Variants in RAB27B observed in about 807,000 individuals in gnomAD.
RAB27B encodes the protein ras-related protein Rab-27B.
In RAB27B, 15 loss-of-function variants were observed where a neutral mutation model predicts 24.6. That is an observed-to-expected ratio of 0.61 (90% CI 0.41 to 0.94). RAB27B has a LOEUF of 0.94. Among genes scored for constraint, RAB27B ranks in the 40% least tolerant of loss-of-function variants. The pLI is 0.00. For synonymous variants in RAB27B, 105 were observed against 92.5 expected (o/e 1.14, Z -0.78); for missense variants, 261 against 266.8 (o/e 0.98, Z 0.15).
intron 1 of RAB27B, among the ~76,000 whole-genome samples, chr18:54,833,548 A>G (rs1910777070): frequency 1.3e-5 from 2 of 152,184 alleles, no homozygotes; most frequent in African/African-American, 4.8e-5. Flanking sequence ...TTCTTTCTAC[A>G]TGAAAGAAAA....
At chr18:54,850,524 G>T (rs1183713016) in intron 1 of RAB27B, among the ~76,000 whole-genome samples, 1 of 150,644 alleles carries the variant, frequency 6.6e-6, no homozygotes, top group Non-Finnish European at 1.5e-5. Context: ...ATGCCAGCAT[G>T]CCCAGCTATG....
At chr18:54,747,541 T>A (rs899858084) in intron 2 of RAB27B, among the ~76,000 whole-genome samples, 9 of 152,180 alleles carry the variant, frequency 5.9e-5, no homozygotes, top group African/African-American at 2.2e-4. Flanking sequence ...AGTGGATAAT[T>A]CAGTCTGAGG....
At chr18:54,876,560 G>A (rs911788512) in intron 1 of RAB27B, among the ~76,000 whole-genome samples, 4 of 151,614 alleles carry the variant, frequency 2.6e-5, no homozygotes, top group African/African-American at 9.7e-5. Flanking sequence ...AAGTTGTACC[G>A]AGCAGTAAAT....
Position 54,829,070 on chromosome 18 carries a change from G to C in RAB27B, c.-20+370G>C, listed in dbSNP as rs373225858. 9.8e-5 allele frequency among the ~76,000 whole-genome samples: 15 copies of C among 152,328 alleles called. No homozygotes were observed. The East Asian group carries it at 2.3e-3, about 23-fold the overall frequency. On this transcript the variant is annotated intron_variant, in intron 1 of 5. Transcript: ENST00000262094. ...AATAAGAAAAAGCATGGATGATGAT[G>C]TGCTCAGAGTTTCATTCCAGGAGGA...
intron 1 of RAB27B, among the ~76,000 whole-genome samples, chr18:54,844,940 T>C (rs1384683722): frequency 6.6e-6 from 1 of 152,124 alleles, no homozygotes. Flanking sequence ...AATAAAGTTT[T>C]TCATCATCAA....
At position 54,756,405 on chromosome 18, in the gene RAB27B, T is replaced by A. The variant is rs145384775; in HGVS notation, c.-20+38264T>A. On this transcript the variant is annotated intron_variant, in intron 2 of 4. Coordinates refer to the RAB27B transcript ENST00000586570. The stretch of plus-strand genomic sequence containing the variant: ...TTATTTAAAGAGCTCAACATTGATA[T>A]CCTGACTATAGGTTCGATTCTTCCT... Among the ~76,000 whole-genome samples the A allele has an allele frequency of 2.7e-3, 406 of 152,294 alleles. 2 individuals are homozygous for A. Among genetic ancestry groups the A allele is most frequent in the African/African-American group, 9.2e-3 (382 of 41,566 alleles).
chr18:54,801,569 A>G (rs57437425), intron 2 of RAB27B, among the ~76,000 whole-genome samples: 1 of 152,092 alleles, frequency 6.6e-6, no homozygotes, highest in Admixed American at 6.6e-5. Flanking sequence ...AGCAGGGTTC[A>G]TCAGGTTCAG....
chr18:54,730,289 T>C (rs2144989851), intron 2 of RAB27B, among the ~76,000 whole-genome samples: 1 of 152,266 alleles, frequency 6.6e-6, no homozygotes, highest in Admixed American at 6.5e-5. Context: ...TCAAGTGTAT[T>C]TGGAATGAAA....
At chr18:54,742,087 T>C (rs1355952818) in intron 2 of RAB27B, among the ~76,000 whole-genome samples, 2 of 152,230 alleles carry the variant, frequency 1.3e-5, no homozygotes, top group East Asian at 1.9e-4. Flanking sequence ...TGTTTTCATA[T>C]GCAAAGCTTG....
intron 2 of RAB27B, among the ~76,000 whole-genome samples, chr18:54,751,163 T>C (rs947601415): frequency 2.6e-5 from 4 of 152,076 alleles, no homozygotes; most frequent in African/African-American, 9.7e-5. Context: ...AAGACAATAC[T>C]AGGAGCTTGA....
At chr18:54,780,338 C>T (rs1352500024) in intron 2 of RAB27B, among the ~76,000 whole-genome samples, 1 of 120,594 alleles carries the variant, frequency 8.3e-6, no homozygotes, top group Non-Finnish European at 1.7e-5. Flanking sequence ...CTCACCGTGT[C>T]TCCCCTCTCC....
intron 1 of RAB27B, among the ~76,000 whole-genome samples, chr18:54,861,077 A>G (rs561835625): frequency 1.3e-5 from 2 of 152,286 alleles, no homozygotes; most frequent in South Asian, 4.1e-4. Context: ...ATGCTATCTA[A>G]TTCAACTTCC....
At chr18:54,806,753 TAAC>T (rs1411976181) in intron 2 of RAB27B, among the ~76,000 whole-genome samples, 1 of 151,742 alleles carries the variant, frequency 6.6e-6, no homozygotes, top group Non-Finnish European at 1.5e-5. Flanking sequence ...TTTAAAATGT[TAAC>T]AACTAGCAAG....
At chr18:54,783,857 C>G (rs1241104282) in intron 2 of RAB27B, among the ~76,000 whole-genome samples, 1 of 152,228 alleles carries the variant, frequency 6.6e-6, no homozygotes, top group South Asian at 2.1e-4. Flanking sequence ...CTCAAGAGAG[C>G]AGCCAGACTC....
intron 2 of RAB27B, among the ~76,000 whole-genome samples, chr18:54,758,382 G>A (rs2145045605): frequency 6.6e-6 from 1 of 152,304 alleles, no homozygotes; most frequent in South Asian, 2.1e-4. Context: ...TTCCTTTGAA[G>A]AACTGACAGT....
intron 1 of RAB27B, among the ~76,000 whole-genome samples, chr18:54,866,893 G>C (rs756417061): frequency 4.3e-4 from 65 of 152,168 alleles, no homozygotes; most frequent in Non-Finnish European, 7.8e-4. Flanking sequence ...CAAGTTCAAA[G>C]GTTTTTATGT....
chr18:54,872,960 A>G (rs1367714910), intron 1 of RAB27B, among the ~76,000 whole-genome samples: 2 of 152,370 alleles, frequency 1.3e-5, no homozygotes, highest in East Asian at 3.9e-4. Context: ...ATTAAACAAA[A>G]ATAGCAGGAG....
At chr18:54,850,034 C>CT (rs1276009127) in intron 1 of RAB27B, among the ~76,000 whole-genome samples, 5 of 151,810 alleles carry the variant, frequency 3.3e-5, no homozygotes, top group Admixed American at 1.3e-4. Flanking sequence ...ACATAAACCA[C>CT]TTAATACAAA....
At chr18:54,855,429 A>G (rs140280206) in intron 1 of RAB27B, among the ~76,000 whole-genome samples, 14 of 152,314 alleles carry the variant, frequency 9.2e-5, no homozygotes, top group Admixed American at 3.3e-4. Context: ...AATTATTTGT[A>G]TTATATAATA....
Sources: gnomAD v4.1 joint callset for allele counts (sites outside exome capture counted in the v4.1 genomes callset) on GRCh38, gnomAD v4.1.1 for gene constraint, MANE v1.5 for transcripts, NCBI Gene and HGNC (gene_info 2026-07-23, HGNC 2026-07-21) for gene names.